The following NRIP1 variants were observed in gnomAD, a reference collection of about 807,000 sequenced individuals.
NRIP1 encodes the protein nuclear receptor-interacting protein 1.
In NRIP1, 28 loss-of-function variants were observed where a neutral mutation model predicts 75.0. The observed-to-expected ratio is 0.37, with a 90% CI of 0.28 to 0.51. The LOEUF is 0.51. Among genes scored for constraint, NRIP1 ranks in the 20% least tolerant of loss-of-function variants. The pLI is 0.92. For synonymous variants in NRIP1, 526 were observed against 487.6 expected (o/e 1.08, Z -1.04); for missense variants, 1,435 against 1,343.7 (o/e 1.07, Z -1.06).
intron 3 of NRIP1, among the ~76,000 whole-genome samples, chr21:14,993,830 A>G (rs899440912): frequency 6.6e-6 from 1 of 151,906 alleles, no homozygotes; most frequent in Non-Finnish European, 1.5e-5. Context: ...CCAACACAGG[A>G]GGTCCTCAAG....
At chr21:15,062,443 C>A (rs200835274) in intron 1 of NRIP1, among the ~76,000 whole-genome samples, 5 of 152,226 alleles carry the variant, frequency 3.3e-5, no homozygotes, top group Admixed American at 2.6e-4. Flanking sequence ...TTTCTTGAAT[C>A]TCTGATAACA....
intron 1 of NRIP1, among the ~76,000 whole-genome samples, chr21:15,056,087 T>G (rs1472324367): frequency 6.6e-6 from 1 of 152,070 alleles, no homozygotes; most frequent in African/African-American, 2.4e-5. Context: ...TAGTCTACAC[T>G]AACTGTGTGC....
intron 3 of NRIP1, among the ~76,000 whole-genome samples, chr21:14,974,548 A>G (rs1434639790): frequency 6.6e-6 from 1 of 152,156 alleles, no homozygotes; most frequent in Non-Finnish European, 1.5e-5. Flanking sequence ...TCTATCAAAC[A>G]CCTGCCTTAA....
Position 14,966,107 on chromosome 21 carries a change from G to C in NRIP1, c.2086C>G (p.Pro696Ala). Residue 696 changes from proline to alanine, a missense_variant, in exon 4 of 4, where the codon CCA becomes GCA. Physicochemically the swap from Pro to Ala is conservative, Grantham distance 27. Coordinates refer to ENST00000318948, the MANE Select transcript of NRIP1 (RefSeq NM_003489.4). ...TCTATTTCAGAACCAGAAAGCCCTGGTTCAGGACCTGTTGGTTGACTACTA... is the reference window on the plus strand; with the variant it reads ...TCTATTTCAGAACCAGAAAGCCCTGCTTCAGGACCTGTTGGTTGACTACTA... Reference protein sequence around the residue: ...AFSSQPTGPEPGLSGSEIENL... With the variant: ...AFSSQPTGPEAGLSGSEIENL... The C allele has an allele frequency of 6.2e-6, 10 of 1,612,398 alleles. No individual in the cohort carries two copies. Among genetic ancestry groups the C allele is most frequent in the Non-Finnish European group, 8.5e-6 (10 of 1,179,978 alleles).
At chr21:15,031,137 GCGCACGGAGGA>G (rs1291164952) in intron 2 of NRIP1, among the ~76,000 whole-genome samples, 3 of 129,592 alleles carry the variant, frequency 2.3e-5, no homozygotes, top group South Asian at 3.0e-4. Context: ...ACTCTGGAAG[GCGCACGGAGGA>G]TCACCACATT....
chr21:15,036,164 A>G (rs1438635684), intron 2 of NRIP1, among the ~76,000 whole-genome samples: 1 of 152,192 alleles, frequency 6.6e-6, no homozygotes, highest in Non-Finnish European at 1.5e-5. Flanking sequence ...TTTTTAACCT[A>G]CACTGGAAAA....
chr21:15,014,707 G>T (rs1038600216), intron 2 of NRIP1, among the ~76,000 whole-genome samples: 3 of 151,744 alleles, frequency 2.0e-5, no homozygotes, highest in Non-Finnish European at 4.4e-5. Context: ...CTGTGAAAAA[G>T]GTTTATAGTT....
At chr21:15,063,069 C>T (rs1024276466) in intron 1 of NRIP1, among the ~76,000 whole-genome samples, 1 of 152,040 alleles carries the variant, frequency 6.6e-6, no homozygotes, top group Non-Finnish European at 1.5e-5. Context: ...ACTCCTAGGG[C>T]ACTTTTAAAG....
intron 3 of NRIP1, among the ~76,000 whole-genome samples, chr21:14,977,402 C>A (rs2087102765): frequency 6.6e-6 from 1 of 152,096 alleles, no homozygotes; most frequent in East Asian, 1.9e-4. Flanking sequence ...GATGTAACTC[C>A]AAACATTTTA....
At chr21:15,006,579 G>A (rs1281011787) in intron 3 of NRIP1, among the ~76,000 whole-genome samples, 1 of 152,160 alleles carries the variant, frequency 6.6e-6, no homozygotes, top group Non-Finnish European at 1.5e-5. Context: ...TAGTTCTAAA[G>A]AGTATTTAGT....
In NRIP1 at chr21:14,963,667, A is replaced by AGG. The variant is rs1305335670; in HGVS notation, c.*1048_*1049insCC. 1 of 152,118 alleles carries AGG rather than the reference A, an allele frequency of 6.6e-6. No individual in the cohort carries two copies. Among genetic ancestry groups the AGG allele is most frequent in the Non-Finnish European group, 1.5e-5 (1 of 68,012 alleles). The allele number at this position is 152,118 out of a possible 1,614,324, so 9.4% of individuals were successfully genotyped here. On this transcript the variant is annotated 3_prime_UTR_variant, in exon 4 of 4. Transcript: ENST00000318948. ...AGAGAGCATGTTAAGATGCAGATGG[A>AGG]AGATTCCAGGTCCACTTAGCAGAGA...
chr21:14,989,022 T>C (rs558985913), intron 3 of NRIP1, among the ~76,000 whole-genome samples: 1 of 152,290 alleles, frequency 6.6e-6, no homozygotes, highest in East Asian at 1.9e-4. Flanking sequence ...AGTACTCCGA[T>C]CACCAGGTTC....
intron 1 of NRIP1, among the ~76,000 whole-genome samples, chr21:15,056,291 TAA>T (rs113146551): frequency 1.9e-4 from 23 of 123,160 alleles, no homozygotes; most frequent in Non-Finnish European, 2.1e-4. Flanking sequence ...AATTCAAAGT[TAA>T]AAAAAAAAAA....
chr21:15,012,909 AC>A (rs1190104253), intron 3 of NRIP1, among the ~76,000 whole-genome samples: 3 of 152,184 alleles, frequency 2.0e-5, no homozygotes, highest in Non-Finnish European at 4.4e-5. Context: ...ATGTGGTAAA[AC>A]AAAGGTGTTG....
Position 14,967,495 on chromosome 21 carries a change from G to A in NRIP1, c.698C>T (p.Pro233Leu), listed in dbSNP as rs2229743. ...GQSGTKVMSE[P>L]LSCAARLQAV... ...CTGTAATCTTGCAGCACATGACAAC[G>A]GTTCACTCATGACCTTTGTTCCACT... Residue 233 changes from proline (P) to leucine (L), a missense_variant, in exon 4 of 4, where the codon CCG becomes CTG. Transcript: ENST00000318948. 1.2e-6 allele frequency: 2 copies of A among 1,614,068 alleles called. No individual in the cohort carries two copies. Among genetic ancestry groups the A allele is most frequent in the East Asian group, 2.2e-5 (1 of 44,874 alleles).
rs1256864819 is a variant in NRIP1 at position 14,968,236 on chromosome 21, A to G, written c.-44T>C. On this transcript the variant is annotated 5_prime_UTR_variant, in exon 4 of 4. Coordinates refer to ENST00000318948, the MANE Select transcript of NRIP1 (RefSeq NM_003489.4). ...CAAGGGCTTGGTTTCTATTCACTTT[A>G]AAGAATGGTTTTCTGTGGTGAGTGC... is the stretch of plus-strand genomic sequence containing the variant. 2 of 1,404,572 alleles carry G rather than the reference A, an allele frequency of 1.4e-6. 1 individual carries two copies. The highest frequency in any genetic ancestry group is 2.7e-5 in the South Asian group (2 of 75,196). 87.0% of individuals were successfully genotyped at this position (1,404,572 alleles called of 1,614,324 possible).
intron 3 of NRIP1, among the ~76,000 whole-genome samples, chr21:14,993,593 C>G (rs1435468500): frequency 6.6e-6 from 1 of 151,964 alleles, no homozygotes; most frequent in Non-Finnish European, 1.5e-5. Flanking sequence ...TCAGCCTGGG[C>G]AACACAGCGA....
chr21:14,974,935 C>T (rs1331833765), intron 3 of NRIP1, among the ~76,000 whole-genome samples: 2 of 151,798 alleles, frequency 1.3e-5, no homozygotes, highest in African/African-American at 4.8e-5. Context: ...TGGCGAGACC[C>T]CATCTTTACA....
chr21:14,975,069 C>T (rs987557236), intron 3 of NRIP1, among the ~76,000 whole-genome samples: 4 of 151,662 alleles, frequency 2.6e-5, no homozygotes, highest in East Asian at 2.0e-4. Flanking sequence ...GCCATGATAG[C>T]ACCTGTGCAC....
Sources: allele counts gnomAD v4.1 joint callset (sites outside exome capture counted in the v4.1 genomes callset), GRCh38; gene constraint gnomAD v4.1.1; transcripts MANE v1.5; gene names NCBI Gene and HGNC (gene_info 2026-07-23, HGNC 2026-07-21).